The following ZNF608 variants were observed in gnomAD, a reference collection of about 807,000 sequenced individuals.
ZNF608 encodes renal carcinoma antigen NY-REN-36.
A neutral mutation model predicts 109.0 loss-of-function variants in ZNF608; 12 were observed. The observed-to-expected ratio is 0.11, with a 90% CI of 0.07 to 0.18. ZNF608 has a LOEUF of 0.18. ZNF608 is among the 10% of genes least tolerant of loss of function. The probability of loss-of-function intolerance (pLI) is 1.00; values close to 1 mark genes in which losing one functional copy is unlikely to be tolerated. For missense variants in ZNF608, 1,707 were observed against 1,879.3 expected (o/e 0.91, Z 1.70); for synonymous variants, 732 against 717.4 (o/e 1.02, Z -0.33).
Position 124,647,016 on chromosome 5 carries a change from C to T in ZNF608, c.3368G>A (p.Gly1123Glu), listed in dbSNP as rs747737637. ...ACTTTTCCTTTCACAGTCTCCTCTCCCAGTCTGGGCCATTTTCTGCTCTGC... is the reference window on the plus strand; with the variant it reads ...ACTTTTCCTTTCACAGTCTCCTCTCTCAGTCTGGGCCATTTTCTGCTCTGC... ...RLAEQKMAQT[G>E]RGDCERKSEL... Residue 1123 changes from glycine (G) to glutamate (E), a missense_variant, in exon 5 of 10, where the codon GGG becomes GAG. By Grantham distance (98) the Gly-to-Glu change is moderately conservative. Transcript: ENST00000513986. The T allele has an allele frequency of 6.2e-6, 10 of 1,614,050 alleles. No homozygotes were observed.
intron 9 of ZNF608, chr5:124,638,681 G>A (rs1750094355): frequency 8.0e-6 from 2 of 250,916 alleles, no homozygotes; most frequent in Admixed American, 1.2e-4. Flanking sequence ...TATACATTGT[G>A]AAAAATATTA....
chr5:124,733,033 GA>G (rs540529278), intron 2 of ZNF608, among the ~76,000 whole-genome samples: 66 of 139,384 alleles, frequency 4.7e-4, no homozygotes, highest in East Asian at 1.0e-3. Context: ...CCTTCTTTGT[GA>G]AAAAAAAAAA....
intron 2 of ZNF608, among the ~76,000 whole-genome samples, chr5:124,714,802 A>G (rs1236429909): frequency 6.6e-6 from 1 of 152,242 alleles, no homozygotes; most frequent in Non-Finnish European, 1.5e-5. Flanking sequence ...ACACATTAAA[A>G]ACATACTGCT....
At position 124,646,915 on chromosome 5, in the gene ZNF608, G is replaced by A. The variant is rs2149787791; in HGVS notation, c.3469C>T (p.Pro1157Ser). The A allele has an allele frequency of 6.2e-7, 1 of 1,613,974 alleles. No individual in the cohort carries two copies. Among genetic ancestry groups the A allele is most frequent in the East Asian group, 2.2e-5 (1 of 44,888 alleles). ...TTTTTGTTAGGCTCCGGAGTAGAGGGAGCTTTTGAGATTGTGGCCGATGGC... is the reference window on the plus strand; with the variant it reads ...TTTTTGTTAGGCTCCGGAGTAGAGGAAGCTTTTGAGATTGTGGCCGATGGC... ...NMPSATISKA[P>S]STPEPNKNHS... The change falls in exon 5 of 10, where the codon CCC becomes TCC. Residue 1157 changes from proline to serine, a missense_variant. Physicochemically the swap from Pro to Ser is moderately conservative, Grantham distance 74 (BLOSUM62 -1). This residue lies in a region of ZNF608 where 1,073 missense variants were observed against 1,133.5 expected (regional missense o/e 0.95). Transcript: ENST00000513986.
At chr5:124,638,375 G>T (rs1750077247) in intron 9 of ZNF608, among the ~76,000 whole-genome samples, 1 of 152,008 alleles carries the variant, frequency 6.6e-6, no homozygotes. Context: ...TCATGCCTCA[G>T]CCTCCCTAGT....
At chr5:124,670,043 C>T (rs1393065774) in intron 3 of ZNF608, among the ~76,000 whole-genome samples, 1 of 152,100 alleles carries the variant, frequency 6.6e-6, no homozygotes, top group Non-Finnish European at 1.5e-5. Flanking sequence ...TGGAACAAGG[C>T]TGAGAGCTTT....
At chr5:124,656,983 A>G (rs1482124296) in intron 3 of ZNF608, among the ~76,000 whole-genome samples, 3 of 152,066 alleles carry the variant, frequency 2.0e-5, no homozygotes, top group Non-Finnish European at 4.4e-5. Context: ...ATTTGGGAAA[A>G]TCATTGAGCT....
chr5:124,747,429 G>A (rs1413440857), upstream of ZNF608, among the ~76,000 whole-genome samples: 1 of 151,838 alleles, frequency 6.6e-6, no homozygotes, highest in African/African-American at 2.4e-5. Flanking sequence ...GAGGGGGATG[G>A]GCGAGTTAGT....
At chr5:124,731,411 C>T (rs1748893402) in intron 2 of ZNF608, among the ~76,000 whole-genome samples, 1 of 150,664 alleles carries the variant, frequency 6.6e-6, no homozygotes, top group South Asian at 2.2e-4. Flanking sequence ...CGGGGTTTCA[C>T]CATGTTGGTC....
intron 3 of ZNF608, among the ~76,000 whole-genome samples, chr5:124,687,268 A>G (rs1752443860): frequency 1.3e-5 from 2 of 152,124 alleles, no homozygotes; most frequent in African/African-American, 4.8e-5. Context: ...TAATTATGGG[A>G]CTCATCTCCG....
At chr5:124,704,426 G>A (rs1469577273) in intron 2 of ZNF608, among the ~76,000 whole-genome samples, 9 of 152,164 alleles carry the variant, frequency 5.9e-5, no homozygotes, top group Non-Finnish European at 5.9e-5. Flanking sequence ...GAGATGTCGG[G>A]ATTGGGGAGG....
At chr5:124,701,975 T>C (rs373530338) in intron 2 of ZNF608, among the ~76,000 whole-genome samples, 1 of 152,194 alleles carries the variant, frequency 6.6e-6, no homozygotes, top group African/African-American at 2.4e-5. Flanking sequence ...TAAAGATCCC[T>C]AATGAGTTTG....
chr5:124,654,306 C>A, intron 3 of ZNF608, among the ~76,000 whole-genome samples: 1 of 152,060 alleles, frequency 6.6e-6, no homozygotes, highest in East Asian at 1.9e-4. Flanking sequence ...ACAGTGTGAC[C>A]CACCACACCC....
At chr5:124,679,379 C>T (rs956002592) in intron 3 of ZNF608, among the ~76,000 whole-genome samples, 1 of 151,594 alleles carries the variant, frequency 6.6e-6, no homozygotes, top group Non-Finnish European at 1.5e-5. Flanking sequence ...TTCCTTCCTT[C>T]CCTCCCTCCT....
At position 124,644,368 on chromosome 5, in the gene ZNF608, G is replaced by C; in HGVS notation, c.3999C>G (p.Ser1333=). ...ATGACTGATGCTGACTCATGGGTGA[G>C]GAGACAGCCACTCTTGTTCCCCGAG... ...KDSRGTRVAV[S]SPMSQHQSYI... is the part of the protein sequence containing the mutation. Residue 1333 remains serine, a synonymous_variant, in exon 6 of 10, where the codon TCC becomes TCG. Coordinates refer to ENST00000513986, the MANE Select transcript of ZNF608 (RefSeq NM_020747.3). The C allele has an allele frequency of 6.2e-7, 1 of 1,614,148 alleles. No homozygotes were observed. The highest frequency in any genetic ancestry group is 8.5e-7 in the Non-Finnish European group (1 of 1,180,024).
At chr5:124,667,587 A>T (rs184850789) in intron 3 of ZNF608, among the ~76,000 whole-genome samples, 1 of 152,330 alleles carries the variant, frequency 6.6e-6, no homozygotes, top group Non-Finnish European at 1.5e-5. Context: ...CATGCTAATG[A>T]CAGACACCCC....
At chr5:124,691,084 TCAA>T (rs1191323719) in intron 3 of ZNF608, among the ~76,000 whole-genome samples, 1 of 151,988 alleles carries the variant, frequency 6.6e-6, no homozygotes, top group Admixed American at 6.6e-5. Flanking sequence ...GGCCAGGAGT[TCAA>T]CACCAACCCG....
chr5:124,650,205 A>G (rs780628630), intron 3 of ZNF608, among the ~76,000 whole-genome samples: 1 of 152,250 alleles, frequency 6.6e-6, no homozygotes, highest in African/African-American at 2.4e-5. Flanking sequence ...AAAAATAGGC[A>G]TAGACAGGAG....
In ZNF608 at chr5:124,728,265, C is replaced by G. The variant is rs181358958; in HGVS notation, c.906+15819G>C. 1.2e-3 allele frequency among the ~76,000 whole-genome samples: 177 copies of G among 152,152 alleles called. 1 individual carries two copies. The highest frequency in any genetic ancestry group is 4.0e-3 in the African/African-American group (164 of 41,488). The stretch of plus-strand genomic sequence containing the variant: ...TCTTAAAATCACCTTAAGGGTCATT[C>G]AATAGGTTGGTATTGGAGGGCAAAG... On this transcript the variant is annotated intron_variant, in intron 2 of 9. Coordinates refer to ENST00000513986, the MANE Select transcript of ZNF608 (RefSeq NM_020747.3).
Sources: allele counts gnomAD v4.1 joint callset (sites outside exome capture counted in the v4.1 genomes callset), GRCh38; gene constraint gnomAD v4.1.1; regional missense constraint gnomAD v4.1.1; transcripts MANE v1.5; gene names NCBI Gene and HGNC (gene_info 2026-07-23, HGNC 2026-07-21).